FGF12: variants seen among roughly 807,000 people sequenced by gnomAD.
FGF12 encodes fibroblast growth factor 12B.
Under a neutral mutation model 23.6 loss-of-function variants are expected in FGF12, and 14 were observed. That is an observed-to-expected ratio of 0.59 (90% CI 0.39 to 0.93). The LOEUF (loss-of-function observed/expected upper bound fraction) is 0.93. Ranked by LOEUF, FGF12 falls within the 40% of genes least tolerant of loss-of-function variation. FGF12 has a pLI of 0.00. For missense variants in FGF12, 175 were observed against 217.8 expected (o/e 0.80, Z 1.24); for synonymous variants, 62 against 77.3 (o/e 0.80, Z 1.04).
At chr3:192,481,822 T>C (rs1723487504) in intron 2 of FGF12, among the ~76,000 whole-genome samples, 2 of 152,342 alleles carry the variant, frequency 1.3e-5, no homozygotes, top group African/African-American at 4.8e-5. Flanking sequence ...GGCTGAGTCA[T>C]ATTTTCTGAA....
rs1429244942 is a variant in FGF12 at position 192,345,550 on chromosome 3, G to A, written c.125-10086C>T. Among the ~76,000 whole-genome samples the A allele has an allele frequency of 2.1e-5, 2 of 94,608 alleles. 1 individual carries two copies. Among genetic ancestry groups the A allele is most frequent in the Non-Finnish European group, 3.5e-5 (2 of 56,364 alleles). The allele number at this position is 94,608 out of a possible 152,430, so 62.1% of individuals were successfully genotyped here. ...AAAATACAAAAAATTAGCCGGGCGT[G>A]GTAGCGGGCGCCTGTAGTCCCAGCT... On this transcript the variant is annotated intron_variant, in intron 3 of 5. Coordinates refer to ENST00000445105, the MANE Select transcript of FGF12 (RefSeq NM_004113.6).
At chr3:192,461,698 T>C (rs1370030083) in intron 2 of FGF12, among the ~76,000 whole-genome samples, 1 of 152,096 alleles carries the variant, frequency 6.6e-6, no homozygotes, top group African/African-American at 2.4e-5. Context: ...TTAAAAATCA[T>C]TATTACTTGG....
intron 5 of FGF12, among the ~76,000 whole-genome samples, chr3:192,164,441 G>A (rs554752354): frequency 2.6e-5 from 4 of 152,302 alleles, no homozygotes; most frequent in South Asian, 2.1e-4. Context: ...AGGATGAGAC[G>A]TGAAAGAGTG....
chr3:192,498,587 T>C (rs557661738), intron 2 of FGF12, among the ~76,000 whole-genome samples: 1 of 151,836 alleles, frequency 6.6e-6, no homozygotes, highest in East Asian at 1.9e-4. Flanking sequence ...CCACACACTT[T>C]GTAAGAGTCT....
chr3:192,281,690 G>A (rs377141988), intron 4 of FGF12, among the ~76,000 whole-genome samples: 1 of 152,064 alleles, frequency 6.6e-6, no homozygotes, highest in African/African-American at 2.4e-5. Context: ...AGTTTTCAGC[G>A]ATCTCAAAGG....
At chr3:192,683,020 C>T (rs541801617) in intron 2 of FGF12, among the ~76,000 whole-genome samples, 2 of 152,328 alleles carry the variant, frequency 1.3e-5, no homozygotes, top group South Asian at 2.1e-4. Context: ...AAACCTCACT[C>T]TATGTGTCTC....
chr3:192,267,819 T>A (rs1310172595), intron 4 of FGF12, among the ~76,000 whole-genome samples: 1 of 152,216 alleles, frequency 6.6e-6, no homozygotes, highest in Non-Finnish European at 1.5e-5. Context: ...ATATGATTTC[T>A]GTGCTATTCA....
At chr3:192,212,111 C>T (rs374938040) in intron 4 of FGF12, among the ~76,000 whole-genome samples, 3 of 152,264 alleles carry the variant, frequency 2.0e-5, no homozygotes, top group East Asian at 3.9e-4. Context: ...CTTATACAGA[C>T]GTGCACAGCA....
chr3:192,213,451 T>C (rs1001271520), intron 4 of FGF12, among the ~76,000 whole-genome samples: 1 of 152,208 alleles, frequency 6.6e-6, no homozygotes, highest in Non-Finnish European at 1.5e-5. Context: ...CATATCATTT[T>C]ATTTTCTCAT....
chr3:192,325,646 AC>A (rs1716779994), intron 4 of FGF12, among the ~76,000 whole-genome samples: 1 of 152,124 alleles, frequency 6.6e-6, no homozygotes, highest in African/African-American at 2.4e-5. Context: ...TTGTACCTCT[AC>A]TCCAGATATG....
chr3:192,414,666 T>C (rs559290409), intron 2 of FGF12, among the ~76,000 whole-genome samples: 5 of 152,312 alleles, frequency 3.3e-5, no homozygotes, highest in East Asian at 1.9e-4. Flanking sequence ...CCCAAGGTCA[T>C]ACAATCAATG....
Position 192,336,567 on chromosome 3 carries a change from T to G in FGF12, c.125-1103A>C, listed in dbSNP as rs368336236. On this transcript the variant is annotated intron_variant, in intron 3 of 5. Transcript: ENST00000445105. The surrounding 1 kb of genome is among the most constrained non-coding windows in gnomAD (Gnocchi z 4.3). ...GATGGCAACATGGAGATGAATTAAGTATCTCACGGCTGTATGCATAAGAGA... is the reference window on the plus strand; with the variant it reads ...GATGGCAACATGGAGATGAATTAAGGATCTCACGGCTGTATGCATAAGAGA... Among the ~76,000 whole-genome samples, 1 of 152,288 alleles carries G rather than the reference T, an allele frequency of 6.6e-6. No homozygotes were observed. The highest frequency in any genetic ancestry group is 2.4e-5 in the African/African-American group (1 of 41,586).
At chr3:192,472,219 T>C (rs1263251763) in intron 2 of FGF12, among the ~76,000 whole-genome samples, 1 of 152,118 alleles carries the variant, frequency 6.6e-6, no homozygotes, top group East Asian at 1.9e-4. Flanking sequence ...GGTTTCACCA[T>C]GTTGGCCAGG....
chr3:192,617,357 T>C (rs549714438), intron 2 of FGF12, among the ~76,000 whole-genome samples: 6 of 152,184 alleles, frequency 3.9e-5, no homozygotes, highest in Admixed American at 3.3e-4. Context: ...TCAAGTTTTA[T>C]GAAAAGCTCC....
intron 2 of FGF12, among the ~76,000 whole-genome samples, chr3:192,698,039 T>C (rs1718179788): frequency 6.6e-6 from 1 of 152,170 alleles, no homozygotes; most frequent in Admixed American, 6.5e-5. Flanking sequence ...AAATGTTCTA[T>C]TTATTTGATA....
At chr3:192,506,884 T>C (rs1482999619) in intron 2 of FGF12, among the ~76,000 whole-genome samples, 1 of 134,330 alleles carries the variant, frequency 7.4e-6, no homozygotes, top group African/African-American at 2.7e-5. Context: ...GTCATGGCCA[T>C]TAACTCAGTT....
intron 2 of FGF12, among the ~76,000 whole-genome samples, chr3:192,566,223 A>C (rs1712272401): frequency 6.6e-6 from 1 of 152,228 alleles, no homozygotes; most frequent in Non-Finnish European, 1.5e-5. Context: ...GTTAGAGCCA[A>C]ATTGAGGGAT....
chr3:192,444,476 C>T (rs902863664), intron 2 of FGF12, among the ~76,000 whole-genome samples: 1 of 152,052 alleles, frequency 6.6e-6, no homozygotes, highest in African/African-American at 2.4e-5. Context: ...CCAATTGATC[C>T]TAACATTGCT....
intron 2 of FGF12, among the ~76,000 whole-genome samples, chr3:192,724,385 C>T (rs1719143899): frequency 6.6e-6 from 1 of 152,034 alleles, no homozygotes; most frequent in Non-Finnish European, 1.5e-5. Context: ...TTTCTTCCAC[C>T]CCAATATTCT....
Sources: allele counts gnomAD v4.1 joint callset (sites outside exome capture counted in the v4.1 genomes callset), GRCh38; gene constraint gnomAD v4.1.1; non-coding constraint Gnocchi (gnomAD v3.1); transcripts MANE v1.5; gene names NCBI Gene and HGNC (gene_info 2026-07-23, HGNC 2026-07-21).